The following BNC2 variants were observed in gnomAD, a reference collection of about 807,000 sequenced individuals.
BNC2 encodes the protein basonuclin zinc finger protein 2, also known as zinc finger protein basonuclin-2.
BNC2 carries 20 observed loss-of-function variants against 76.3 expected under a neutral mutation model. The observed-to-expected ratio is 0.26, with a 90% CI of 0.18 to 0.38. The LOEUF (loss-of-function observed/expected upper bound fraction) is 0.38. Ranked by LOEUF, BNC2 falls within the 10% of genes least tolerant of loss-of-function variation. BNC2 has a pLI of 1.00. For missense variants in BNC2, 1,382 were observed against 1,399.8 expected, an observed-to-expected ratio of 0.99 and a Z score of 0.20; for synonymous variants, 582 against 514.8, an observed-to-expected ratio of 1.13 and a Z score of -1.77.
At chr9:16,491,932 T>C (rs1384610730) in intron 5 of BNC2, among the ~76,000 whole-genome samples, 2 of 152,230 alleles carry the variant, frequency 1.3e-5, no homozygotes, top group East Asian at 3.8e-4. Flanking sequence ...TCTGGTATGC[T>C]CACATACTTC....
At chr9:16,483,338 C>A (rs1271008116) in intron 5 of BNC2, among the ~76,000 whole-genome samples, 1 of 152,180 alleles carries the variant, frequency 6.6e-6, no homozygotes, top group African/African-American at 2.4e-5. Context: ...TCCATTATTT[C>A]ATTGCTCTCA....
In BNC2 at chr9:16,767,259, T is replaced by C. The variant is rs561311867; in HGVS notation, c.4-28774A>G. 1.2e-4 allele frequency among the ~76,000 whole-genome samples: 18 copies of C among 152,322 alleles called. No homozygotes were observed. The South Asian group carries it at 3.5e-3, about 30-fold the overall frequency. On this transcript the variant is annotated intron_variant, in intron 1 of 6. Transcript: ENST00000380672. ...TCAAGTGCCCAACACTCAGTAGGCATGCAATGAGTATTAAACTGAAATACT... is the reference window on the plus strand; with the variant it reads ...TCAAGTGCCCAACACTCAGTAGGCACGCAATGAGTATTAAACTGAAATACT...
At chr9:16,754,746 T>C (rs937071357) in intron 1 of BNC2, among the ~76,000 whole-genome samples, 1 of 152,048 alleles carries the variant, frequency 6.6e-6, no homozygotes, top group Non-Finnish European at 1.5e-5. Context: ...TCAGTAGAGA[T>C]GGGGTTTCAC....
At chr9:16,528,138 G>A (rs1168261850) in intron 5 of BNC2, among the ~76,000 whole-genome samples, 5 of 152,130 alleles carry the variant, frequency 3.3e-5, no homozygotes, top group East Asian at 3.8e-4. Flanking sequence ...ACAAAGAAAC[G>A]ATAGAGGTTT....
intron 1 of BNC2, among the ~76,000 whole-genome samples, chr9:16,792,206 C>A (rs1387500138): frequency 6.6e-6 from 1 of 150,704 alleles, no homozygotes; most frequent in Admixed American, 6.7e-5. Flanking sequence ...CACTTACAAT[C>A]CTCATGACAA....
rs576497029 is a variant in BNC2 at position 16,526,564 on chromosome 9, T to A, written c.669+25966A>T. On this transcript the variant is annotated intron_variant, in intron 5 of 6. Coordinates refer to ENST00000380672, the MANE Select transcript of BNC2 (RefSeq NM_017637.6). ...GAAGAAATCCTGTACTGCCAAGATA[T>A]ATCCTCAGACAAAGAAATGTCCATT... Among the ~76,000 whole-genome samples, 38 of 143,834 alleles carry A rather than the reference T, an allele frequency of 2.6e-4. No individual in the cohort carries two copies. In the East Asian group the frequency reaches 6.8e-3, roughly 26 times the overall value. 94.4% of individuals were successfully genotyped at this position (143,834 alleles called of 152,430 possible). A position where few individuals can be genotyped will look rare whatever the true frequency, so the allele number is the denominator to read the frequency against.
intron 2 of BNC2, among the ~76,000 whole-genome samples, chr9:16,731,987 G>C (rs1359869960): frequency 6.6e-6 from 1 of 151,874 alleles, no homozygotes; most frequent in Admixed American, 6.6e-5. Context: ...AGTTAGTGTG[G>C]GATAACAAGA....
At chr9:16,450,677 T>C (rs955999968) in intron 5 of BNC2, among the ~76,000 whole-genome samples, 9 of 152,352 alleles carry the variant, frequency 5.9e-5, no homozygotes, top group African/African-American at 2.2e-4. Context: ...AACATGCATG[T>C]ACACCATACA....
At chr9:16,605,048 T>C (rs1185375846) in intron 3 of BNC2, among the ~76,000 whole-genome samples, 5 of 152,116 alleles carry the variant, frequency 3.3e-5, no homozygotes, top group Admixed American at 1.3e-4. Flanking sequence ...CAACAATGAC[T>C]TCATGTGATG....
intron 3 of BNC2, among the ~76,000 whole-genome samples, chr9:16,718,835 A>C (rs1489712946): frequency 6.6e-6 from 1 of 152,162 alleles, no homozygotes; most frequent in East Asian, 1.9e-4. Flanking sequence ...ACATAGAATT[A>C]AGTCACCTAA....
At chr9:16,764,765 T>C (rs181172075) in intron 1 of BNC2, among the ~76,000 whole-genome samples, 1 of 152,054 alleles carries the variant, frequency 6.6e-6, no homozygotes, top group East Asian at 1.9e-4. Context: ...GAAGCAATTA[T>C]CTTTCTACTT....
chr9:16,703,974 C>G (rs185210497), intron 3 of BNC2, among the ~76,000 whole-genome samples: 2 of 152,086 alleles, frequency 1.3e-5, no homozygotes, highest in East Asian at 3.9e-4. Context: ...AACATGAAAA[C>G]AAAGAAAGAA....
chr9:16,743,060 T>C (rs1824895739), intron 1 of BNC2, among the ~76,000 whole-genome samples: 1 of 152,180 alleles, frequency 6.6e-6, no homozygotes, highest in Admixed American at 6.5e-5. Context: ...CAAGAACCCA[T>C]GCTCATTTCT....
At chr9:16,735,959 T>G (rs1169750605) in intron 2 of BNC2, among the ~76,000 whole-genome samples, 1 of 151,106 alleles carries the variant, frequency 6.6e-6, no homozygotes, top group African/African-American at 2.4e-5. Context: ...GCAGGCCAGG[T>G]GCGGTGGCTC....
At chr9:16,672,696 C>A (rs1822515670) in intron 3 of BNC2, among the ~76,000 whole-genome samples, 2 of 152,180 alleles carry the variant, frequency 1.3e-5, no homozygotes, top group Admixed American at 1.3e-4. Context: ...AGCCATCAGG[C>A]TCCATTCATA....
At chr9:16,680,079 T>C (rs567698977) in intron 3 of BNC2, among the ~76,000 whole-genome samples, 2 of 152,366 alleles carry the variant, frequency 1.3e-5, no homozygotes, top group African/African-American at 4.8e-5. Context: ...ATCACTGTCC[T>C]CATGTTCAAC....
chr9:16,550,266 T>TA (rs990890140), intron 5 of BNC2, among the ~76,000 whole-genome samples: 19 of 152,186 alleles, frequency 1.2e-4, no homozygotes, highest in African/African-American at 4.3e-4. Flanking sequence ...AGTTTTTTTT[T>TA]AAGCTCATCA....
intron 1 of BNC2, among the ~76,000 whole-genome samples, chr9:16,741,689 G>A (rs541089001): frequency 6.6e-6 from 1 of 152,154 alleles, no homozygotes; most frequent in South Asian, 2.1e-4. Context: ...CAGGTGCGGT[G>A]GCTCACGCCT....
rs890247644 is a variant in BNC2 at position 16,415,157 on chromosome 9, G to A, written c.*3832C>T. On this transcript the variant is annotated 3_prime_UTR_variant, in exon 7 of 7. Transcript: ENST00000380672. ...AGGCTGAACAGGGCAGCTGGACTAA[G>A]ATCTGGAATGAGTTACATTGGGTTG... 4.6e-5 allele frequency: 7 copies of A among 152,226 alleles called. No individual in the cohort carries two copies. The highest frequency in any genetic ancestry group is 7.4e-5 in the Non-Finnish European group (5 of 68,024). 9.4% of individuals were successfully genotyped at this position (152,226 alleles called of 1,614,324 possible).
Sources: allele counts gnomAD v4.1 joint callset (sites outside exome capture counted in the v4.1 genomes callset), GRCh38; gene constraint gnomAD v4.1.1; transcripts MANE v1.5; gene names NCBI Gene and HGNC (gene_info 2026-07-23, HGNC 2026-07-21).